The following PPFIA3 variants were observed in gnomAD, a reference collection of about 807,000 sequenced individuals.
PPFIA3 encodes PPFI scaffold protein A3, also known as liprin-alpha-3.
Under a neutral mutation model 145.8 loss-of-function variants are expected in PPFIA3, and 26 were observed. The observed-to-expected ratio is 0.18, with a 90% CI of 0.13 to 0.25. The LOEUF (loss-of-function observed/expected upper bound fraction) is 0.25. PPFIA3 is among the 10% of genes least tolerant of loss of function. The pLI, the probability that PPFIA3 is intolerant of heterozygous loss-of-function variation, is 1.00. For synonymous variants in PPFIA3, 645 were observed against 661.4 expected, an observed-to-expected ratio of 0.98 and a Z score of 0.38; for missense variants, 1,008 against 1,587.8, an observed-to-expected ratio of 0.63 and a Z score of 6.21.
chr19:49,120,695 G>A lies in PPFIA3; in HGVS notation c.-16+973G>A, dbSNP rs993494046. On this transcript the variant is annotated intron_variant, in intron 1 of 29. Coordinates refer to ENST00000334186, the MANE Select transcript of PPFIA3 (RefSeq NM_003660.4). The surrounding 1 kb of genome is among the most constrained non-coding windows in gnomAD (Gnocchi z 4.6). ...ATGACTCCTTTCCTTTGGGGGACCC[G>A]GAATGTGATTCTCAATGCAGTTCTC... 6.6e-6 allele frequency among the ~76,000 whole-genome samples: 1 copy of A among 152,138 alleles called. No homozygotes were observed. Among genetic ancestry groups the A allele is most frequent in the African/African-American group, 2.4e-5 (1 of 41,430 alleles).
intron 18 of PPFIA3, 99 bp downstream of exon 18, chr19:49,140,187 C>T (rs931651607): frequency 7.3e-7 from 1 of 1,363,562 alleles, no homozygotes. Context: ...CCATTCATGT[C>T]TTCATTCATT....
intron 28 of PPFIA3, 53 bp from the exon 29 acceptor site, chr19:49,150,027 A>G (rs947553735): frequency 6.4e-7 from 1 of 1,557,544 alleles, no homozygotes. Context: ...AATCCTGGAG[A>G]GGAACAGGGA....
chr19:49,141,939 G>A (rs2041229269), intron 19 of PPFIA3, 95 bp from the exon 20 acceptor site: 2 of 690,136 alleles, frequency 2.9e-6, no homozygotes, highest in Admixed American at 3.1e-5. Context: ...GTATGTGCAT[G>A]TGTGTGTGTG....
chr19:49,129,450 A>T lies in PPFIA3; in HGVS notation c.578A>T (p.Gln193Leu), dbSNP rs557094601. 40 of 1,553,376 alleles carry T rather than the reference A, an allele frequency of 2.6e-5. No homozygotes were observed. In the Admixed American group the frequency reaches 5.7e-4, roughly 22 times the overall value. The change falls in exon 5 of 30, where the codon CAG becomes CTG. Residue 193 changes from glutamine (Q) to leucine (L), a missense_variant. This residue lies in a region of PPFIA3 where 136 missense variants were observed against 160.7 expected (regional missense o/e 0.85). Transcript: ENST00000334186. ...GAGGAGGAGCTGGAACTGAGCAATCAGGAGGTGTGGGTGTGGCCAAGACAG... is the reference window on the plus strand; with the variant it reads ...GAGGAGGAGCTGGAACTGAGCAATCTGGAGGTGTGGGTGTGGCCAAGACAG... ...VLEEELELSNQETLNLREQLS... is the reference protein window; with the variant it reads ...VLEEELELSNLETLNLREQLS...
Position 49,130,083 on chromosome 19 carries a change from C to A in PPFIA3, c.657+16C>A. Reference sequence around the variant, plus strand: ...GGATGGGCAGGTGAGACATGGAAGTCCCCTCTCCGTGAGCTCCATTCAACT... The same window carrying A: ...GGATGGGCAGGTGAGACATGGAAGTACCCTCTCCGTGAGCTCCATTCAACT... On this transcript the variant is annotated intron_variant, in intron 6 of 29. Transcript: ENST00000334186. This position sits in a 1 kb window ranked among gnomAD's most constrained non-coding sequence, Gnocchi z 4.5. 1 of 1,605,428 alleles carries A rather than the reference C, an allele frequency of 6.2e-7. No individual in the cohort carries two copies. Among genetic ancestry groups the A allele is most frequent in the South Asian group, 1.1e-5 (1 of 90,680 alleles).
chr19:49,124,579 C>G (rs552218326), intron 1 of PPFIA3, among the ~76,000 whole-genome samples: 3 of 152,310 alleles, frequency 2.0e-5, no homozygotes, highest in African/African-American at 7.2e-5. Flanking sequence ...GGCCTATGAG[C>G]GGTTCTTACC....
In PPFIA3 at chr19:49,136,843, G is replaced by T. The variant is rs1165988814; in HGVS notation, c.1785G>T (p.Gly595=). 6.3e-7 allele frequency: 1 copy of T among 1,588,402 alleles called. No homozygotes were observed. ...GGGCCGAGCTGCTGTCCCCCAGTGG[G>T]CAGGCTGACGTGCAGACGCTGGCCA... ...MFGAELLSPS[G]QADVQTLAIM... The change falls in exon 15 of 30, where the codon GGG becomes GGT. Residue 595 remains glycine, a synonymous_variant. Coordinates refer to ENST00000334186, the MANE Select transcript of PPFIA3 (RefSeq NM_003660.4).
chr19:49,149,233 G>A lies in PPFIA3; in HGVS notation c.3286-24G>A, dbSNP rs762893688. 13 of 1,614,082 alleles carry A rather than the reference G, an allele frequency of 8.1e-6. No homozygotes were observed. The East Asian group carries it at 1.8e-4, about 22-fold the overall frequency. On this transcript the variant is annotated intron_variant, in intron 26 of 29. Transcript: ENST00000334186. The surrounding 1 kb of genome is among the most constrained non-coding windows in gnomAD (Gnocchi z 5.7). ...ACCTCGCAGACTGCACGCTCCAACC[G>A]CCCCCTCCACCTCCTCTTTCCAGGC... is the stretch of plus-strand genomic sequence containing the variant.
At chr19:49,137,814 T>A (rs1206945892) in intron 15 of PPFIA3, among the ~76,000 whole-genome samples, 1 of 152,024 alleles carries the variant, frequency 6.6e-6, no homozygotes, top group African/African-American at 2.4e-5. Context: ...TCCATGCCCT[T>A]CCCAGATCCT....
At position 49,133,300 on chromosome 19, in the gene PPFIA3, A is replaced by T; in HGVS notation, c.1090A>T (p.Thr364Ser). 6.2e-7 allele frequency: 1 copy of T among 1,610,566 alleles called. No homozygotes were observed. Among genetic ancestry groups the T allele is most frequent in the Non-Finnish European group, 8.5e-7 (1 of 1,179,054 alleles). The change falls in exon 9 of 30, where the codon ACG becomes TCG. Residue 364 changes from threonine (T) to serine (S), a missense_variant. By Grantham distance (58) the Thr-to-Ser change is moderately conservative. Transcript: ENST00000334186. The surrounding 1 kb of genome is among the most constrained non-coding windows in gnomAD (Gnocchi z 7.2). ...LDDAKQKLQQ[T>S]LQKAETLPEI... ...CGACGCCAAGCAGAAGCTGCAGCAG[A>T]CGCTGCAGAAAGCGGAGACCTTGCC...
chr19:49,149,897 CCCAG>C lies in PPFIA3; in HGVS notation c.3526+180_3527-179del, dbSNP rs2041325378. The C allele has an allele frequency of 2.7e-6, 3 of 1,120,816 alleles. No homozygotes were observed. The highest frequency in any genetic ancestry group is 3.8e-6 in the Non-Finnish European group (3 of 799,266). The allele number at this position is 1,120,816 out of a possible 1,614,324, so 69.4% of individuals were successfully genotyped here. On this transcript the variant is annotated intron_variant, in intron 28 of 29. Coordinates refer to ENST00000334186, the MANE Select transcript of PPFIA3 (RefSeq NM_003660.4). The surrounding 1 kb of genome is among the most constrained non-coding windows in gnomAD (Gnocchi z 5.7). ...AAATGGATAAATCCCACTCCCCCTT[CCCAG>C]GGCGGGAGTGAACTCGCCCAATGCG...
intron 14 of PPFIA3, 21 bp downstream of exon 14, chr19:49,135,944 C>A: frequency 6.3e-7 from 1 of 1,593,546 alleles, no homozygotes; most frequent in Non-Finnish European, 8.5e-7. Context: ...GCCTCTGGGT[C>A]CTGGACTGAG....
rs546957927 is a variant in PPFIA3, at chr19:49,147,441, G to A, written c.2836-642G>A. Among the ~76,000 whole-genome samples, 11 of 151,954 alleles carry A rather than the reference G, an allele frequency of 7.2e-5. No individual in the cohort carries two copies. In the East Asian group the frequency reaches 1.4e-3, roughly 19 times the overall value. On this transcript the variant is annotated intron_variant, in intron 23 of 29. Coordinates refer to ENST00000334186, the MANE Select transcript of PPFIA3 (RefSeq NM_003660.4). The stretch of plus-strand genomic sequence containing the variant: ...TGGCTCATGCCTGTAATCCCAGCAC[G>A]TTGGGAGGCTGAGGTGGGCGGATCC...
chr19:49,133,013 C>A lies in PPFIA3; in HGVS notation c.892C>A (p.Arg298=), dbSNP rs1353766136. Residue 298 remains arginine (R), a synonymous_variant, in exon 8 of 30, where the codon CGG becomes AGG. Transcript: ENST00000334186. The surrounding 1 kb of genome is among the most constrained non-coding windows in gnomAD (Gnocchi z 7.2). ...QRDLKEALAQ[R]EDMEERITTL... ...GCTACCTCCGCAGGCGCTGGCGCAG[C>A]GGGAAGATATGGAGGAGCGGATTAC... 6.2e-7 allele frequency: 1 copy of A among 1,611,584 alleles called. No individual in the cohort carries two copies. Among genetic ancestry groups the A allele is most frequent in the Non-Finnish European group, 8.5e-7 (1 of 1,179,598 alleles).
chr19:49,133,418 G>T lies in PPFIA3; in HGVS notation c.1161+47G>T. ...GGGCCTTGCGTGGGGAAGGGGTGGGGCCTAGAGGAGGCGGGGCCGTGAATC... is the reference window on the plus strand; with the variant it reads ...GGGCCTTGCGTGGGGAAGGGGTGGGTCCTAGAGGAGGCGGGGCCGTGAATC... On this transcript the variant is annotated intron_variant, in intron 9 of 29. Transcript: ENST00000334186. This position sits in a 1 kb window ranked among gnomAD's most constrained non-coding sequence, Gnocchi z 7.2. The T allele has an allele frequency of 6.5e-7, 1 of 1,529,294 alleles. No individual in the cohort carries two copies. Among genetic ancestry groups the T allele is most frequent in the Non-Finnish European group, 8.8e-7 (1 of 1,142,620 alleles). The allele number at this position is 1,529,294 out of a possible 1,614,324, so 94.7% of individuals were successfully genotyped here.
Position 49,148,188 on chromosome 19 carries a change from G to A in PPFIA3, c.2941G>A (p.Ala981Thr). ...CTACTTCATGGAGTCGCTGGTGGAC[G>A]CTCGAATGTTAGATCACCTTAACAA... is the stretch of plus-strand genomic sequence containing the variant. The part of the protein sequence containing the change: ...RSYFMESLVD[A>T]RMLDHLNKKE... Residue 981 changes from alanine to threonine, a missense_variant, in exon 24 of 30, where the codon GCT becomes ACT. Physicochemically the swap from Ala to Thr is moderately conservative, Grantham distance 58. Transcript: ENST00000334186. 1 of 1,614,184 alleles carries A rather than the reference G, an allele frequency of 6.2e-7. No homozygotes were observed. The highest frequency in any genetic ancestry group is 1.1e-5 in the South Asian group (1 of 91,082).
rs11391183 is a variant in PPFIA3, at chr19:49,145,584, A to ACC, written c.2746-352_2746-351dup. 612 of 274,050 alleles carry ACC rather than the reference A, an allele frequency of 2.2e-3. 3 individuals are homozygous for ACC. The highest frequency in any genetic ancestry group is 0.013 in the African/African-American group (551 of 42,482). The allele number at this position is 274,050 out of a possible 1,614,324, so 17.0% of individuals were successfully genotyped here. ...GGGAGCAGAAGCTCAATAAATGTGA[A>ACC]CCCCCCCCGCCATACTCCCTAAACA... On this transcript the variant is annotated intron_variant, in intron 21 of 29. Coordinates refer to ENST00000334186, the MANE Select transcript of PPFIA3 (RefSeq NM_003660.4).
chr19:49,124,253 T>C (rs954699138), intron 1 of PPFIA3, among the ~76,000 whole-genome samples: 102 of 152,206 alleles, frequency 6.7e-4, no homozygotes, highest in Admixed American at 4.3e-3. Flanking sequence ...GAGACAGGGT[T>C]TCACCATGTT....
chr19:49,135,547 T>A (rs1486950743), intron 13 of PPFIA3, among the ~76,000 whole-genome samples: 2 of 152,132 alleles, frequency 1.3e-5, no homozygotes, highest in South Asian at 2.1e-4. Flanking sequence ...TAATTTTTTT[T>A]ATTTTTAGTA....
Sources: gnomAD v4.1 joint callset for allele counts (sites outside exome capture counted in the v4.1 genomes callset) on GRCh38, gnomAD v4.1.1 for gene constraint, gnomAD v4.1.1 regional missense constraint, Gnocchi (gnomAD v3.1) non-coding constraint, MANE v1.5 for transcripts, NCBI Gene and HGNC (gene_info 2026-07-23, HGNC 2026-07-21) for gene names.